Variants in THRB observed in about 807,000 individuals in gnomAD.
The protein encoded by THRB is thyroid hormone receptor beta.
A neutral mutation model predicts 47.8 loss-of-function variants in THRB; 12 were observed. That is an observed-to-expected ratio of 0.25 (90% CI 0.16 to 0.41). THRB has a LOEUF of 0.41. Ranked by LOEUF, THRB falls within the 10% of genes least tolerant of loss-of-function variation. THRB has a pLI of 1.00. For missense variants in THRB, 348 were observed against 589.2 expected (o/e 0.59, Z 4.24); for synonymous variants, 218 against 212.2 (o/e 1.03, Z -0.24).
At chr3:24,408,865 G>A (rs1247224352) in intron 1 of THRB, among the ~76,000 whole-genome samples, 1 of 151,676 alleles carries the variant, frequency 6.6e-6, no homozygotes, top group Non-Finnish European at 1.5e-5. Context: ...AAATAACACA[G>A]GGCTTATTTG....
intron 1 of THRB, among the ~76,000 whole-genome samples, chr3:24,451,784 T>C (rs1034523421): frequency 5.9e-5 from 9 of 152,218 alleles, no homozygotes; most frequent in Non-Finnish European, 1.2e-4. Context: ...AGCACAAAGC[T>C]GACCTTTAAA....
At chr3:24,345,659 T>C (rs1254609404) in intron 1 of THRB, among the ~76,000 whole-genome samples, 2 of 152,058 alleles carry the variant, frequency 1.3e-5, no homozygotes, top group African/African-American at 4.8e-5. Flanking sequence ...GCTGTAAGTG[T>C]TGTTTTTATT....
At chr3:24,471,705 C>A (rs577606196) in intron 1 of THRB, among the ~76,000 whole-genome samples, 1 of 152,240 alleles carries the variant, frequency 6.6e-6, no homozygotes, top group South Asian at 2.1e-4. Flanking sequence ...GCAGATCAAC[C>A]CTCTCTAGTC....
At chr3:24,183,214 A>G (rs905521204) in intron 5 of THRB, among the ~76,000 whole-genome samples, 1 of 152,092 alleles carries the variant, frequency 6.6e-6, no homozygotes, top group African/African-American at 2.4e-5. Flanking sequence ...GGGTGGCAAA[A>G]ACTGGAGGAG....
upstream of THRB, chr3:24,495,141 C>T (rs1047984347): frequency 6.6e-6 from 1 of 152,184 alleles, no homozygotes; most frequent in Non-Finnish European, 1.5e-5. Flanking sequence ...ACTCCGGGCC[C>T]GGGGCGCCTG....
intron 3 of THRB, among the ~76,000 whole-genome samples, chr3:24,235,121 T>C (rs1195988729): frequency 1.3e-5 from 2 of 152,232 alleles, no homozygotes; most frequent in Non-Finnish European, 2.9e-5. Context: ...TTGCAGTTTT[T>C]GCCATTACTT....
intron 1 of THRB, among the ~76,000 whole-genome samples, chr3:24,419,252 C>T (rs543791622): frequency 1.3e-5 from 2 of 151,900 alleles, no homozygotes; most frequent in Non-Finnish European, 2.9e-5. Context: ...TGGTGGCAGG[C>T]TCAATGCTAT....
intron 1 of THRB, among the ~76,000 whole-genome samples, chr3:24,429,738 C>T (rs990491980): frequency 6.6e-6 from 1 of 151,976 alleles, no homozygotes; most frequent in Non-Finnish European, 1.5e-5. Context: ...AAACTCCTGG[C>T]CTCAAAGTGA....
intron 1 of THRB, among the ~76,000 whole-genome samples, chr3:24,390,803 T>TAC (rs2066511512): frequency 6.9e-6 from 1 of 145,606 alleles, no homozygotes; most frequent in Non-Finnish European, 1.5e-5. Flanking sequence ...AAAAAATATA[T>TAC]ATATATATAT....
intron 1 of THRB, among the ~76,000 whole-genome samples, chr3:24,442,259 T>C (rs1421817881): frequency 1.3e-5 from 2 of 152,228 alleles, no homozygotes; most frequent in Admixed American, 6.5e-5. Flanking sequence ...ACTTATTATA[T>C]GCCAGGCAAG....
At chr3:24,252,847 A>T (rs182779513) in intron 3 of THRB, among the ~76,000 whole-genome samples, 1 of 152,270 alleles carries the variant, frequency 6.6e-6, no homozygotes, top group East Asian at 1.9e-4. Context: ...ATATACAAAG[A>T]GAAAGAAGAA....
At chr3:24,189,970 C>T in intron 5 of THRB, 104 bp downstream of exon 5, 1 of 1,122,486 alleles carries the variant, frequency 8.9e-7, no homozygotes, top group South Asian at 1.3e-5. Context: ...AAACATGGGA[C>T]ACCATACATT....
Position 24,398,513 on chromosome 3 carries a change from C to A in THRB, c.-260-61142G>T, listed in dbSNP as rs575717100. The stretch of plus-strand genomic sequence containing the variant: ...CACTGGCCATCAAAGAAATGCAAAT[C>A]AAAACCACAATGAGATACCATCTCA... On this transcript the variant is annotated intron_variant, in intron 1 of 10. Transcript: ENST00000646209. Among the ~76,000 whole-genome samples, 1,155 of 152,248 alleles carry A rather than the reference C, an allele frequency of 7.6e-3. 18 individuals are homozygous for A. Among genetic ancestry groups the A allele is most frequent in the African/African-American group, 0.026 (1,096 of 41,550 alleles).
At chr3:24,145,134 C>A (rs10428188) in intron 7 of THRB, among the ~76,000 whole-genome samples, 23,634 of 151,198 alleles carry the variant, frequency 0.16, 1,994 homozygotes, top group South Asian at 0.22. Context: ...TACCCTCAAC[C>A]CCTTCCCAAA....
In THRB at chr3:24,207,608, C is replaced by T. The variant is rs190033692; in HGVS notation, c.23-17274G>A. ...CATTACCCAGCTGCACAGCCCCATT[C>T]CTCCCCATTTTTCCTTCCTATACCT... On this transcript the variant is annotated intron_variant, in intron 4 of 10. Transcript: ENST00000646209. 1.6e-3 allele frequency among the ~76,000 whole-genome samples: 247 copies of T among 152,254 alleles called. 2 individuals carry two copies. The highest frequency in any genetic ancestry group is 5.7e-3 in the African/African-American group (236 of 41,554).
intron 10 of THRB, among the ~76,000 whole-genome samples, chr3:24,125,886 A>AGAT (rs1408323140): frequency 1.3e-5 from 2 of 152,184 alleles, no homozygotes; most frequent in Non-Finnish European, 2.9e-5. Context: ...GAAGGACAGG[A>AGAT]GATTATCCAA....
At chr3:24,368,349 C>T (rs2064642376) in intron 1 of THRB, among the ~76,000 whole-genome samples, 1 of 152,044 alleles carries the variant, frequency 6.6e-6, no homozygotes, top group African/African-American at 2.4e-5. Flanking sequence ...ACAGTGTGCA[C>T]AAGAGTGTGC....
At chr3:24,249,664 G>T (rs2050464855) in intron 3 of THRB, among the ~76,000 whole-genome samples, 1 of 152,102 alleles carries the variant, frequency 6.6e-6, no homozygotes, top group Non-Finnish European at 1.5e-5. Flanking sequence ...CATTCAGGAG[G>T]AATACTTAAT....
chr3:24,359,304 G>C (rs911947438), intron 1 of THRB, among the ~76,000 whole-genome samples: 1 of 152,138 alleles, frequency 6.6e-6, no homozygotes, highest in African/African-American at 2.4e-5. Context: ...ATCTCCCAGA[G>C]TTCCCAGATG....
Sources: allele counts gnomAD v4.1 joint callset (sites outside exome capture counted in the v4.1 genomes callset), GRCh38; gene constraint gnomAD v4.1.1; transcripts MANE v1.5; gene names NCBI Gene and HGNC (gene_info 2026-07-23, HGNC 2026-07-21).